Variants in IRAG2 observed in about 807,000 individuals in gnomAD.
IRAG2 encodes the protein lymphoid restricted membrane protein.
A neutral mutation model predicts 69.9 loss-of-function variants in IRAG2; 45 were observed. The observed-to-expected ratio is 0.64, with a 90% CI of 0.51 to 0.83. IRAG2 has a LOEUF of 0.83. IRAG2 is among the 40% of genes least tolerant of loss of function. IRAG2 has a pLI of 0.00. For missense variants in IRAG2, 520 were observed against 587.0 expected (o/e 0.89, Z 1.18); for synonymous variants, 193 against 202.4 (o/e 0.95, Z 0.40).
chr12:25,076,145 C>G (rs1204601648), intron 6 of IRAG2, among the ~76,000 whole-genome samples: 2 of 152,194 alleles, frequency 1.3e-5, no homozygotes, highest in South Asian at 4.1e-4. Flanking sequence ...TTAGACCAAA[C>G]TTGTGAAAAC....
chr12:25,015,331 ACT>A (rs1944518510), intron 4 of IRAG2: 3 of 1,231,392 alleles, frequency 2.4e-6, no homozygotes, highest in Admixed American at 4.2e-5. Context: ...TTTTCATAAA[ACT>A]CTTGTATGTG....
chr12:25,047,448 T>TTC (rs373855238), upstream of IRAG2, among the ~76,000 whole-genome samples: 18 of 152,324 alleles, frequency 1.2e-4, no homozygotes, highest in African/African-American at 4.1e-4. Flanking sequence ...GTTGTTTTTT[T>TTC]GTTTTTGTTT....
At position 25,008,460 on chromosome 12, in the gene IRAG2, G is replaced by A. The variant is rs77329350; in HGVS notation, c.689-2884G>A. Among the ~76,000 whole-genome samples, 58 of 152,112 alleles carry A rather than the reference G, an allele frequency of 3.8e-4. No individual in the cohort carries two copies. The East Asian group carries it at 0.01, about 26-fold the overall frequency. Reference sequence around the variant, plus strand: ...CCACTAAAAATAGAAAAATTTAGGCGGAGTGCAGTGCTTCAAGCCTGTAAT... The same window carrying A: ...CCACTAAAAATAGAAAAATTTAGGCAGAGTGCAGTGCTTCAAGCCTGTAAT... On this transcript the variant is annotated intron_variant, in intron 2 of 38. Transcript: ENST00000636465.
intron 13 of IRAG2, among the ~76,000 whole-genome samples, chr12:25,034,405 A>AT (rs955719024): frequency 3.3e-5 from 5 of 152,242 alleles, no homozygotes; most frequent in African/African-American, 1.2e-4. Context: ...AATGACATTG[A>AT]TTATTACATT....
intron 9 of IRAG2, among the ~76,000 whole-genome samples, chr12:25,028,700 T>C (rs1436050185): frequency 1.3e-5 from 2 of 152,196 alleles, no homozygotes; most frequent in Admixed American, 1.3e-4. Context: ...CTTATTGTCA[T>C]CTCTAATGGC....
intron 10 of IRAG2, 81 bp downstream of exon 10, chr12:25,083,574 A>G: frequency 1.2e-6 from 1 of 801,526 alleles, no homozygotes; most frequent in Non-Finnish European, 2.1e-6. Flanking sequence ...TAGTCTTAAA[A>G]GTATTATCTC....
At chr12:24,998,715 ATT>A in the IRAG2 span, among the ~76,000 whole-genome samples, 9 of 152,062 alleles carry the variant, frequency 5.9e-5, no homozygotes, top group East Asian at 1.7e-3. Context: ...TATATTAAGG[ATT>A]TTGCATTAAT....
intron 6 of IRAG2, among the ~76,000 whole-genome samples, chr12:25,019,421 G>A (rs117722835): frequency 4.9e-4 from 74 of 152,312 alleles, no homozygotes; most frequent in Non-Finnish European, 9.1e-4. Context: ...TGGGGAGCTG[G>A]AAAGGGGATG....
intron 13 of IRAG2, chr12:25,035,480 C>A: frequency 2.5e-6 from 1 of 392,544 alleles, no homozygotes; most frequent in Non-Finnish European, 4.5e-6. Flanking sequence ...TGGAGCCATC[C>A]CAGAGAGAAA....
chr12:25,066,742 C>T lies in IRAG2; in HGVS notation c.-59+230C>T, dbSNP rs139751644. On this transcript the variant is annotated intron_variant, in intron 5 of 21. Coordinates refer to ENST00000556887, the MANE Select transcript of IRAG2 (RefSeq NM_001366544.2). Reference sequence around the variant, plus strand: ...CAGTGATGTGATCTCGGCTGCCTCCCGAGGTCAAGCAATTCTCATGCCTCA... The same window carrying T: ...CAGTGATGTGATCTCGGCTGCCTCCTGAGGTCAAGCAATTCTCATGCCTCA... Among the ~76,000 whole-genome samples the T allele has an allele frequency of 3.9e-3, 597 of 151,614 alleles. 2 individuals carry two copies. Among genetic ancestry groups the T allele is most frequent in the African/African-American group, 0.013 (554 of 41,300 alleles).
chr12:25,094,415 A>G (rs921104107), intron 14 of IRAG2, among the ~76,000 whole-genome samples: 25 of 151,892 alleles, frequency 1.6e-4, no homozygotes, highest in African/African-American at 5.3e-4. Context: ...CTGGGCTTTT[A>G]ATTCTATTCC....
Position 25,077,277 on chromosome 12 carries a change from A to AATATATGAT in IRAG2, c.25-1961_25-1960insGATATATAT, listed in dbSNP as rs1946803168. Among the ~76,000 whole-genome samples, 9 of 21,818 alleles carry AATATATGAT rather than the reference A, an allele frequency of 4.1e-4. 3 individuals carry two copies. Among genetic ancestry groups the AATATATGAT allele is most frequent in the African/African-American group, 1.3e-3 (9 of 6,710 alleles). 14.3% of individuals were successfully genotyped at this position (21,818 alleles called of 152,430 possible). A position where few individuals can be genotyped will look rare whatever the true frequency, so the allele number is the denominator to read the frequency against. ...TGATATATATATGAAATATATATGAAATATATATGATATATATATGAAATA... is the reference window on the plus strand; with the variant it reads ...TGATATATATATGAAATATATATGAAATATATGATATATATATGATATATATATGAAATA... On this transcript the variant is annotated intron_variant, in intron 6 of 21. Transcript: ENST00000556887.
intron 1 of IRAG2, among the ~76,000 whole-genome samples, chr12:25,054,970 T>G (rs1945141651): frequency 6.6e-6 from 1 of 152,246 alleles, no homozygotes; most frequent in Admixed American, 6.5e-5. Context: ...CACCCCATGC[T>G]GTTTGATTTC....
rs1944422154 is a variant in IRAG2, at chr12:25,005,238, TA to T, written c.575-2del. 1 of 1,208,334 alleles carries T rather than the reference TA, an allele frequency of 8.3e-7. No individual in the cohort carries two copies. Among genetic ancestry groups the T allele is most frequent in the Admixed American group, 4.2e-5 (1 of 23,596 alleles). 74.9% of individuals were successfully genotyped at this position (1,208,334 alleles called of 1,614,324 possible). Reference sequence around the variant, plus strand: ...AGGATTTACAAACTTTTTCTTCTAATAGGATGGAAACAAGAAGCTGATGATG... The same window carrying T: ...AGGATTTACAAACTTTTTCTTCTAATGGATGGAAACAAGAAGCTGATGATG... On this transcript the variant is annotated splice_acceptor_variant, in intron 1 of 38. Coordinates refer to the IRAG2 transcript ENST00000636465. LOFTEE classifies it high-confidence loss of function.
chr12:25,100,244 A>C (rs907562619), intron 15 of IRAG2, among the ~76,000 whole-genome samples: 6 of 151,968 alleles, frequency 3.9e-5, no homozygotes, highest in African/African-American at 1.5e-4. Context: ...GCAAAGAAGG[A>C]ATAGTGTTGG....
intron 8 of IRAG2, among the ~76,000 whole-genome samples, chr12:25,025,765 C>A (rs758088139): frequency 2.0e-5 from 3 of 152,130 alleles, no homozygotes; most frequent in Non-Finnish European, 4.4e-5. Context: ...TCAGGAAATG[C>A]TTTGTAATAT....
chr12:25,077,660 G>C (rs1450693958), intron 6 of IRAG2, among the ~76,000 whole-genome samples: 1 of 151,890 alleles, frequency 6.6e-6, no homozygotes, highest in East Asian at 1.9e-4. Flanking sequence ...TTCAGGATAA[G>C]AACTGTGTGT....
chr12:25,037,434 G>GATTAC (rs1944710345), intron 15 of IRAG2, among the ~76,000 whole-genome samples: 1 of 152,106 alleles, frequency 6.6e-6, no homozygotes. Context: ...AAGTAGCTGG[G>GATTAC]ATTACATGCA....
At chr12:25,000,791 T>G (rs138857830), upstream of IRAG2, among the ~76,000 whole-genome samples, 738 of 152,336 alleles carry the variant, frequency 4.8e-3, 5 homozygotes, top group African/African-American at 0.017. Context: ...TTAAAAGAGA[T>G]AGACTCCAAG....
Sources: allele counts gnomAD v4.1 joint callset (sites outside exome capture counted in the v4.1 genomes callset), GRCh38; gene constraint gnomAD v4.1.1; transcripts MANE v1.5; gene names NCBI Gene and HGNC (gene_info 2026-07-23, HGNC 2026-07-21).